Variants in BNC2 observed in about 807,000 individuals in gnomAD.
BNC2 encodes the protein zinc finger protein basonuclin-2.
Under a neutral mutation model 76.3 loss-of-function variants are expected in BNC2, and 20 were observed. The ratio of observed to expected loss-of-function variants is 0.26; its 90% CI spans 0.18 to 0.38. The LOEUF is 0.38. BNC2 is among the 10% of genes least tolerant of loss of function. The probability of loss-of-function intolerance (pLI) is 1.00; values close to 1 mark genes in which losing one functional copy is unlikely to be tolerated. For missense variants in BNC2, 1,382 were observed against 1,399.8 expected (o/e 0.99, Z 0.20); for synonymous variants, 582 against 514.8 (o/e 1.13, Z -1.77).
chr9:16,756,484 T>A (rs992076946), intron 1 of BNC2, among the ~76,000 whole-genome samples: 1 of 152,136 alleles, frequency 6.6e-6, no homozygotes, highest in African/African-American at 2.4e-5. Flanking sequence ...GTCACCTTTT[T>A]CTCCCTTCCA....
At chr9:16,463,294 CT>C (rs34855187) in intron 5 of BNC2, among the ~76,000 whole-genome samples, 65 of 105,600 alleles carry the variant, frequency 6.2e-4, no homozygotes, top group East Asian at 1.3e-3. Context: ...GTATTAAATT[CT>C]TTTTTTTTTT....
intron 3 of BNC2, among the ~76,000 whole-genome samples, chr9:16,668,315 G>A (rs939996130): frequency 1.3e-5 from 2 of 152,102 alleles, no homozygotes; most frequent in East Asian, 1.9e-4. Context: ...CTGGCATACC[G>A]CGGGAGCTCG....
chr9:16,479,080 T>C (rs775978615), intron 5 of BNC2, among the ~76,000 whole-genome samples: 1 of 151,992 alleles, frequency 6.6e-6, no homozygotes, highest in Non-Finnish European at 1.5e-5. Flanking sequence ...GGTGAAACCC[T>C]GTCTCTACCA....
chr9:16,640,256 A>G (rs1345252711), intron 3 of BNC2, among the ~76,000 whole-genome samples: 2 of 152,196 alleles, frequency 1.3e-5, no homozygotes, highest in African/African-American at 4.8e-5. Flanking sequence ...AAATCCAGAA[A>G]CCAAATATTC....
intron 1 of BNC2, among the ~76,000 whole-genome samples, chr9:16,780,966 T>C (rs1021594477): frequency 6.6e-6 from 1 of 152,010 alleles, no homozygotes; most frequent in Non-Finnish European, 1.5e-5. Flanking sequence ...TACTTAATCA[T>C]GCACTTAAAG....
chr9:16,648,065 G>A (rs1053910570), intron 3 of BNC2, among the ~76,000 whole-genome samples: 2 of 152,084 alleles, frequency 1.3e-5, no homozygotes, highest in African/African-American at 4.8e-5. Context: ...ACCAATGTAC[G>A]CAATAAAATA....
intron 1 of BNC2, among the ~76,000 whole-genome samples, chr9:16,848,957 TC>T (rs1163076865): frequency 1.3e-5 from 2 of 152,182 alleles, no homozygotes; most frequent in African/African-American, 4.8e-5. Context: ...TTAATGAATT[TC>T]ATGTTTAGAC....
intron 3 of BNC2, among the ~76,000 whole-genome samples, chr9:16,601,414 G>A (rs555452077): frequency 3.9e-5 from 6 of 152,186 alleles, no homozygotes; most frequent in African/African-American, 1.4e-4. Flanking sequence ...AGACACAAAT[G>A]CAAGAAGATG....
chr9:16,817,520 C>T (rs1190887384), intron 1 of BNC2, among the ~76,000 whole-genome samples: 1 of 152,122 alleles, frequency 6.6e-6, no homozygotes, highest in Admixed American at 6.6e-5. Context: ...GTTCCCATTT[C>T]TTCATTCAAA....
chr9:16,727,738 T>C, intron 3 of BNC2, 59 bp downstream of exon 3: 1 of 1,454,876 alleles, frequency 6.9e-7, no homozygotes, highest in Non-Finnish European at 9.5e-7. Flanking sequence ...AAAGTGCCCA[T>C]AACAATTCAA....
chr9:16,665,137 G>A (rs564015594), intron 3 of BNC2: 1 of 452,326 alleles, frequency 2.2e-6, no homozygotes, highest in African/African-American at 2.0e-5. Flanking sequence ...GGAAGTCCAA[G>A]ACGGGTGGAT....
chr9:16,454,245 T>C lies in BNC2; in HGVS notation c.670-16721A>G, dbSNP rs1323495185. Among the ~76,000 whole-genome samples, 3 of 152,190 alleles carry C rather than the reference T, an allele frequency of 2.0e-5. 1 individual carries two copies. Among genetic ancestry groups the C allele is most frequent in the South Asian group, 4.1e-4 (2 of 4,830 alleles). On this transcript the variant is annotated intron_variant, in intron 5 of 6. Coordinates refer to ENST00000380672, the MANE Select transcript of BNC2 (RefSeq NM_017637.6). ...GTACAGAGTCTGTAAAATACACATCTTTCTACCCCTAGAGCAGAGCTTGGA... is the reference window on the plus strand; with the variant it reads ...GTACAGAGTCTGTAAAATACACATCCTTCTACCCCTAGAGCAGAGCTTGGA...
intron 3 of BNC2, among the ~76,000 whole-genome samples, chr9:16,653,958 C>G (rs1415003865): frequency 1.3e-5 from 2 of 151,962 alleles, no homozygotes; most frequent in African/African-American, 4.8e-5. Flanking sequence ...CCTGCCCCAG[C>G]TCTGTGATGT....
intron 5 of BNC2, among the ~76,000 whole-genome samples, chr9:16,447,991 C>T (rs534983552): frequency 2.0e-4 from 30 of 152,024 alleles, no homozygotes; most frequent in African/African-American, 4.8e-4. Flanking sequence ...GCAAAGGAAC[C>T]GTTTATGATC....
intron 5 of BNC2, among the ~76,000 whole-genome samples, chr9:16,508,525 T>C (rs1170645568): frequency 6.6e-6 from 1 of 152,248 alleles, no homozygotes; most frequent in African/African-American, 2.4e-5. Flanking sequence ...GGCATGTACA[T>C]GTTGGCTTGA....
At chr9:16,452,901 T>C (rs553979832) in intron 5 of BNC2, among the ~76,000 whole-genome samples, 1 of 152,330 alleles carries the variant, frequency 6.6e-6, no homozygotes, top group African/African-American at 2.4e-5. Flanking sequence ...AGGATGTCTT[T>C]AGGGATCTGG....
chr9:16,814,806 T>C (rs1187890849), intron 1 of BNC2, among the ~76,000 whole-genome samples: 4 of 152,170 alleles, frequency 2.6e-5, no homozygotes, highest in Non-Finnish European at 5.9e-5. Context: ...TGATTCTACC[T>C]CTCAAAGACA....
intron 1 of BNC2, among the ~76,000 whole-genome samples, chr9:16,860,666 C>A (rs565144973): frequency 6.6e-6 from 1 of 152,252 alleles, no homozygotes; most frequent in Non-Finnish European, 1.5e-5. Flanking sequence ...ATACCAAGGA[C>A]AGAAACATCA....
At chr9:16,866,394 C>T (rs746272093) in intron 1 of BNC2, among the ~76,000 whole-genome samples, 2 of 151,188 alleles carry the variant, frequency 1.3e-5, no homozygotes, top group Non-Finnish European at 2.9e-5. Flanking sequence ...AGGGGTTGTC[C>T]TTCATAAACT....
Sources: gnomAD v4.1 joint callset for allele counts (sites outside exome capture counted in the v4.1 genomes callset) on GRCh38, gnomAD v4.1.1 for gene constraint, MANE v1.5 for transcripts, NCBI Gene and HGNC (gene_info 2026-07-23, HGNC 2026-07-21) for gene names.